Variants in N4BP2L2 observed in about 807,000 individuals in gnomAD.
N4BP2L2 encodes the protein NEDD4 binding protein 2 like 2, also known as NEDD4-binding protein 2-like 2.
A neutral mutation model predicts 56.2 loss-of-function variants in N4BP2L2; 50 were observed. That is an observed-to-expected ratio of 0.89 (90% CI 0.71 to 1.13). The LOEUF is 1.13. N4BP2L2 is among the 50% of genes most tolerant of loss of function. The pLI is 0.00. For synonymous variants in N4BP2L2, 203 were observed against 223.6 expected (o/e 0.91, Z 0.82); for missense variants, 689 against 693.8 (o/e 0.99, Z 0.08).
intron 7 of N4BP2L2, among the ~76,000 whole-genome samples, chr13:32,439,841 T>A (rs535018718): frequency 7.7e-6 from 1 of 130,664 alleles, no homozygotes; most frequent in African/African-American, 3.0e-5. Context: ...TGAAACCCCA[T>A]CTCTATTAAG....
intron 6 of N4BP2L2, among the ~76,000 whole-genome samples, chr13:32,457,343 T>C (rs1243045240): frequency 1.3e-5 from 2 of 152,158 alleles, no homozygotes; most frequent in East Asian, 1.9e-4. Context: ...AAATTTCTCA[T>C]GTCTAGCAAG....
At chr13:32,451,617 C>A (rs945672403) in intron 6 of N4BP2L2, among the ~76,000 whole-genome samples, 1 of 151,376 alleles carries the variant, frequency 6.6e-6, no homozygotes, top group Non-Finnish European at 1.5e-5. Flanking sequence ...TCACCACTTA[C>A]TGCAACCTTG....
intron 6 of N4BP2L2, among the ~76,000 whole-genome samples, chr13:32,454,607 TA>T (rs896393388): frequency 4.6e-5 from 7 of 152,162 alleles, no homozygotes; most frequent in Admixed American, 1.3e-4. Context: ...TTATGTTAAC[TA>T]TTTTAAATAT....
At chr13:32,517,040 C>A (rs2049383651) in exon 6 of N4BP2L2, 1 of 973,168 alleles carries the variant, frequency 1.0e-6, no homozygotes, top group Non-Finnish European at 1.2e-6. Flanking sequence ...AGCAACTGTC[C>A]AAAATATTTT....
chr13:32,478,066 A>C, intron 6 of N4BP2L2: 1 of 1,288,668 alleles, frequency 7.8e-7, no homozygotes, highest in Non-Finnish European at 1.0e-6. Flanking sequence ...AAAATTGTGA[A>C]ATATATTCAG....
intron 6 of N4BP2L2, among the ~76,000 whole-genome samples, chr13:32,476,952 A>G (rs2139050340): frequency 6.6e-6 from 1 of 152,216 alleles, no homozygotes; most frequent in Middle Eastern, 3.4e-3. Flanking sequence ...TGTTACTACT[A>G]CTGATAACTG....
At chr13:32,480,785 A>G (rs528707991) in intron 6 of N4BP2L2, 127 of 385,654 alleles carry the variant, frequency 3.3e-4, no homozygotes, top group African/African-American at 2.6e-3. Flanking sequence ...CCAAGACTGT[A>G]TAGTTAATAG....
At chr13:32,458,420 C>A (rs1317836221) in intron 6 of N4BP2L2, among the ~76,000 whole-genome samples, 1 of 152,142 alleles carries the variant, frequency 6.6e-6, no homozygotes, top group Non-Finnish European at 1.5e-5. Flanking sequence ...CTCATTTCTC[C>A]TGTAGAAACA....
intron 2 of N4BP2L2, among the ~76,000 whole-genome samples, 176 bp from the exon 3 acceptor site, chr13:32,527,708 T>A (rs1011172581): frequency 1.3e-5 from 2 of 151,964 alleles, no homozygotes; most frequent in African/African-American, 4.8e-5. Flanking sequence ...AGCTGAATAA[T>A]CTTACAAAGA....
chr13:32,535,676 T>G (rs2056378492), intron 2 of N4BP2L2, 93 bp downstream of exon 2: 1 of 1,376,528 alleles, frequency 7.3e-7, no homozygotes. Flanking sequence ...AGTGTTGGGA[T>G]TACATGCATG....
At chr13:32,517,519 G>A (rs1296121665) in exon 6 of N4BP2L2, 7 of 1,116,328 alleles carry the variant, frequency 6.3e-6, no homozygotes, top group African/African-American at 1.6e-5. Flanking sequence ...TTTAAAATTC[G>A]ATTGTAGAAA....
chr13:32,538,779 T>G, exon 1 of N4BP2L2: 1 of 985,178 alleles, frequency 1.0e-6, no homozygotes, highest in Non-Finnish European at 1.2e-6. Flanking sequence ...AAACCTCACC[T>G]CCGTACGCAA....
At chr13:32,537,140 T>G (rs2056749179) in intron 1 of N4BP2L2, 113 bp from the exon 2 acceptor site, 2 of 767,228 alleles carry the variant, frequency 2.6e-6, no homozygotes, top group Non-Finnish European at 3.8e-6. Flanking sequence ...ATATATTTAA[T>G]GGTAACAATT....
intron 2 of N4BP2L2, among the ~76,000 whole-genome samples, chr13:32,533,866 C>T (rs1435659477): frequency 6.6e-6 from 1 of 152,176 alleles, no homozygotes; most frequent in Non-Finnish European, 1.5e-5. Context: ...GAATATATGA[C>T]TTTATATCTA....
intron 6 of N4BP2L2, among the ~76,000 whole-genome samples, chr13:32,494,402 G>T (rs1566123057): frequency 6.6e-6 from 1 of 152,072 alleles, no homozygotes; most frequent in Non-Finnish European, 1.5e-5. Flanking sequence ...CCAATAAGTT[G>T]TTTACTATTT....
At chr13:32,490,037 T>C (rs1013769160) in intron 6 of N4BP2L2, 3 of 152,138 alleles carry the variant, frequency 2.0e-5, no homozygotes, top group Non-Finnish European at 4.4e-5. Flanking sequence ...CCCTACCTTG[T>C]TTAACACTGC....
intron 6 of N4BP2L2, among the ~76,000 whole-genome samples, chr13:32,483,129 A>G (rs1033755284): frequency 6.6e-6 from 1 of 152,204 alleles, no homozygotes; most frequent in African/African-American, 2.4e-5. Flanking sequence ...TTATTAGTCA[A>G]ACGAAATCTT....
At position 32,443,475 on chromosome 13, in the gene N4BP2L2, TTG is replaced by T; in HGVS notation, c.1015_1016del (p.Gln339SerfsTer5). ...AGTGATTGATTTTAGTTGTATACACTTGTTCCTCTCTTAAAACTTTATCTGAC... is the reference window on the plus strand; with the variant it reads ...AGTGATTGATTTTAGTTGTATACACTTTCCTCTCTTAAAACTTTATCTGAC... On this transcript the variant is annotated frameshift_variant, in exon 7 of 10. Transcript: ENST00000357505. LOFTEE classifies it high-confidence loss of function. The T allele has an allele frequency of 6.2e-7, 1 of 1,613,360 alleles. No individual in the cohort carries two copies. Among genetic ancestry groups the T allele is most frequent in the Non-Finnish European group, 8.5e-7 (1 of 1,179,504 alleles).
intron 6 of N4BP2L2, among the ~76,000 whole-genome samples, chr13:32,472,563 C>T (rs923504996): frequency 6.6e-6 from 1 of 152,158 alleles, no homozygotes; most frequent in South Asian, 2.1e-4. Context: ...TCCAAAACAC[C>T]TGAAAAGCTC....
Sources: gnomAD v4.1 joint callset for allele counts (sites outside exome capture counted in the v4.1 genomes callset) on GRCh38, gnomAD v4.1.1 for gene constraint, MANE v1.5 for transcripts, NCBI Gene and HGNC (gene_info 2026-07-23, HGNC 2026-07-21) for gene names.